Variants in LUZP1 observed in about 807,000 individuals in gnomAD.
LUZP1 encodes the protein filamin mechanobinding actin cross-linking protein.
Under a neutral mutation model 71.3 loss-of-function variants are expected in LUZP1, and 25 were observed. The observed-to-expected ratio is 0.35, with a 90% CI of 0.26 to 0.49. The LOEUF is 0.49. Ranked by LOEUF, LUZP1 falls within the 20% of genes least tolerant of loss-of-function variation. LUZP1 has a pLI of 0.99. For missense variants in LUZP1, 1,142 were observed against 1,300.8 expected (o/e 0.88, Z 1.88); for synonymous variants, 481 against 506.4 (o/e 0.95, Z 0.67).
At chr1:23,131,036 T>C (rs554744053) in intron 2 of LUZP1, among the ~76,000 whole-genome samples, 54 of 151,874 alleles carry the variant, frequency 3.6e-4, no homozygotes, top group Non-Finnish European at 7.4e-4. Flanking sequence ...TGGGCCAACA[T>C]GGTGAAACTC....
Position 23,156,354 on chromosome 1 carries a change from T to C in LUZP1, c.-226+12412A>G, listed in dbSNP as rs1272623605. Among the ~76,000 whole-genome samples, 3 of 152,298 alleles carry C rather than the reference T, an allele frequency of 2.0e-5. No individual in the cohort carries two copies. The East Asian group carries it at 5.8e-4, about 29-fold the overall frequency. ...GAGATCATGCCACTGCACTCCAGCCTGGGCAACAGAGCGAGACTGTCTCAA... is the reference window on the plus strand; with the variant it reads ...GAGATCATGCCACTGCACTCCAGCCCGGGCAACAGAGCGAGACTGTCTCAA... On this transcript the variant is annotated intron_variant, in intron 2 of 4. Transcript: ENST00000302291.
intron 1 of LUZP1, among the ~76,000 whole-genome samples, chr1:23,172,831 ATT>A (rs1644559959): frequency 6.7e-6 from 1 of 149,404 alleles, no homozygotes; most frequent in African/African-American, 2.5e-5. Context: ...TTATTTATTT[ATT>A]TTTATTTTTA....
chr1:23,090,910 A>G, intron 4 of LUZP1: 1 of 718,174 alleles, frequency 1.4e-6, no homozygotes, highest in South Asian at 1.5e-5. Flanking sequence ...TGGCAAACCA[A>G]GGGAAGAGAA....
chr1:23,095,228 G>T (rs1334126535), intron 3 of LUZP1, among the ~76,000 whole-genome samples: 1 of 152,142 alleles, frequency 6.6e-6, no homozygotes, highest in Non-Finnish European at 1.5e-5. Context: ...TAAAACAGGA[G>T]AATGGATTGA....
intron 2 of LUZP1, among the ~76,000 whole-genome samples, chr1:23,145,310 G>T (rs1356029460): frequency 6.6e-6 from 1 of 152,070 alleles, no homozygotes; most frequent in Admixed American, 6.6e-5. Context: ...TCATAGGAAC[G>T]CTATTTGAAG....
chr1:23,143,572 T>C (rs888996214), intron 2 of LUZP1, among the ~76,000 whole-genome samples: 1 of 152,168 alleles, frequency 6.6e-6, no homozygotes, highest in Non-Finnish European at 1.5e-5. Context: ...ATTCTTACCA[T>C]AAACATCCCT....
intron 2 of LUZP1, chr1:23,140,816 G>A (rs1644297259): frequency 6.6e-6 from 1 of 152,464 alleles, no homozygotes; most frequent in Non-Finnish European, 1.5e-5. Flanking sequence ...CACCCTCAGA[G>A]CTACATCTCT....
chr1:23,149,293 A>G (rs542448244), intron 2 of LUZP1, among the ~76,000 whole-genome samples: 4 of 152,106 alleles, frequency 2.6e-5, no homozygotes, highest in Admixed American at 6.6e-5. Context: ...TATTTACTTA[A>G]AAGTCCACAG....
At chr1:23,139,019 A>AAAAAAAAAAAAAAAAAT (rs1317355746) in intron 2 of LUZP1, among the ~76,000 whole-genome samples, 1 of 59,960 alleles carries the variant, frequency 1.7e-5, no homozygotes, top group African/African-American at 9.3e-5. Context: ...AAAAAAAAAA[A>AAAAAAAAAAAAAAAAAT]ATATATATAT....
exon 5 of LUZP1, chr1:23,084,497 C>T (rs995468342): frequency 3.3e-5 from 5 of 152,168 alleles, no homozygotes; most frequent in African/African-American, 1.2e-4. Flanking sequence ...TGTTCTGCCT[C>T]ATCCCAGCAT....
chr1:23,163,038 G>A (rs1490484465), intron 2 of LUZP1, among the ~76,000 whole-genome samples: 3 of 151,828 alleles, frequency 2.0e-5, no homozygotes, highest in African/African-American at 4.8e-5. Flanking sequence ...TCAGCAGCTC[G>A]AGACCAGCCT....
intron 2 of LUZP1, among the ~76,000 whole-genome samples, chr1:23,120,324 C>G (rs868756997): frequency 6.6e-6 from 1 of 152,012 alleles, no homozygotes; most frequent in Non-Finnish European, 1.5e-5. Context: ...CTCAGAAGTG[C>G]ATGCCTCCTA....
At position 23,094,188 on chromosome 1, in the gene LUZP1, C is replaced by T. The variant is rs376235918; in HGVS notation, c.74G>A (p.Arg25His). Reference sequence around the variant, plus strand: ...GGCTTCCTCCAACTCATCAAGGCGGCGGCTTAGACTCTGTAGCTTAAACCG... The same window carrying T: ...GGCTTCCTCCAACTCATCAAGGCGGTGGCTTAGACTCTGTAGCTTAAACCG... The change falls in exon 4 of 5, where the codon CGC (arginine) becomes CAC (histidine). Residue 25 changes from arginine to histidine, a missense_variant. By Grantham distance (29) the Arg-to-His change is conservative. Coordinates refer to ENST00000302291, the Ensembl canonical transcript of LUZP1. The surrounding 1 kb of genome is among the most constrained non-coding windows in gnomAD (Gnocchi z 4.7). 4 of 1,613,986 alleles carry T rather than the reference C, an allele frequency of 2.5e-6. No individual in the cohort carries two copies. The highest frequency in any genetic ancestry group is 3.3e-5 in the Admixed American group (2 of 59,992).
At chr1:23,110,627 C>T (rs536441027) in intron 2 of LUZP1, among the ~76,000 whole-genome samples, 13 of 52,386 alleles carry the variant, frequency 2.5e-4, no homozygotes, top group African/African-American at 5.8e-4. Context: ...TGCATGAACG[C>T]GCACACATAC....
chr1:23,092,555 T>C (rs760156862), exon 4 of LUZP1: 1 of 1,614,208 alleles, frequency 6.2e-7, no homozygotes, highest in Non-Finnish European at 8.5e-7. Context: ...ATCTTCGAGA[T>C]GAGGCCAGGG....
chr1:23,093,024 T>C lies in LUZP1; in HGVS notation c.1238A>G (p.Asn413Ser). The change falls in exon 4 of 5, where the codon AAC becomes AGC. Residue 413 changes from asparagine to serine, a missense_variant. Physicochemically the swap from Asn to Ser is conservative, Grantham distance 46 (BLOSUM62 1). Coordinates refer to ENST00000302291, the Ensembl canonical transcript of LUZP1. This position sits in a 1 kb window ranked among gnomAD's most constrained non-coding sequence, Gnocchi z 4.2. ...AACCTGCCTGTTGCTCAGAGAATAG[T>C]TTTCATTGTTGAGAGCAAACTCCCT... The C allele has an allele frequency of 6.2e-7, 1 of 1,614,108 alleles. No homozygotes were observed.
At position 23,094,088 on chromosome 1, in the gene LUZP1, G is replaced by A. The variant is rs55995434; in HGVS notation, c.174C>T (p.Asn58=). The A allele has an allele frequency of 1.6e-4, 264 of 1,614,174 alleles. No individual in the cohort carries two copies. The highest frequency in any genetic ancestry group is 2.2e-4 in the Non-Finnish European group (257 of 1,180,040). The change falls in exon 4 of 5, where the codon AAC becomes AAT. Residue 58 remains asparagine (N), a synonymous_variant. Transcript: ENST00000302291. This position sits in a 1 kb window ranked among gnomAD's most constrained non-coding sequence, Gnocchi z 4.7. ...CTTCAATCTCCGCCAACATGCTGGA[G>A]TTGCTACCTTCTGCCTGAATCACCT...
At chr1:23,120,650 G>A (rs561977832) in intron 2 of LUZP1, among the ~76,000 whole-genome samples, 24 of 152,016 alleles carry the variant, frequency 1.6e-4, no homozygotes, top group African/African-American at 5.3e-4. Flanking sequence ...GAGCCACTAC[G>A]CCTGACAATA....
At chr1:23,131,179 C>T (rs1276122883) in intron 2 of LUZP1, among the ~76,000 whole-genome samples, 1 of 144,946 alleles carries the variant, frequency 6.9e-6, no homozygotes, top group South Asian at 2.2e-4. Flanking sequence ...AGATCAACCC[C>T]ACTGCAATCC....
Sources: gnomAD v4.1 joint callset for allele counts (sites outside exome capture counted in the v4.1 genomes callset) on GRCh38, gnomAD v4.1.1 for gene constraint, Gnocchi (gnomAD v3.1) non-coding constraint, MANE v1.5 for transcripts, NCBI Gene and HGNC (gene_info 2026-07-23, HGNC 2026-07-21) for gene names.